The following PRTG variants were observed in gnomAD, a reference collection of about 807,000 sequenced individuals.
PRTG encodes immunoglobulin superfamily, DCC subclass, member 5.
Under a neutral mutation model 122.5 loss-of-function variants are expected in PRTG, and 67 were observed. That is an observed-to-expected ratio of 0.55 (90% confidence interval 0.45 to 0.67). PRTG has a LOEUF of 0.67. PRTG is among the 30% of genes least tolerant of loss of function. The probability of loss-of-function intolerance (pLI) is 0.00; values close to 1 mark genes in which losing one functional copy is unlikely to be tolerated. For missense variants in PRTG, 1,435 were observed against 1,415.4 expected (o/e 1.01, Z -0.22); for synonymous variants, 554 against 501.1 (o/e 1.11, Z -1.41).
In PRTG at chr15:55,616,832, AG is replaced by A. The variant is rs2141701867; in HGVS notation, c.*3179del. The A allele has an allele frequency of 6.6e-6, 1 of 152,268 alleles. No homozygotes were observed. Among genetic ancestry groups the A allele is most frequent in the African/African-American group, 2.4e-5 (1 of 41,570 alleles). The allele number at this position is 152,268 out of a possible 1,614,324, so 9.4% of individuals were successfully genotyped here. On this transcript the variant is annotated 3_prime_UTR_variant, in exon 20 of 20. Transcript: ENST00000389286. ...GCCCTTTGATATTTTTTGCTACTAA[AG>A]CTAGATTCTCTATCGGCCTCTAAAT... is the stretch of plus-strand genomic sequence containing the variant.
At chr15:55,711,094 T>C (rs1178702468) in intron 2 of PRTG, among the ~76,000 whole-genome samples, 1 of 150,544 alleles carries the variant, frequency 6.6e-6, no homozygotes, top group Non-Finnish European at 1.5e-5. Flanking sequence ...TTTTTTTTTT[T>C]TTTTTTTAGC....
chr15:55,686,285 C>A (rs1476259006), intron 2 of PRTG, among the ~76,000 whole-genome samples: 2 of 151,998 alleles, frequency 1.3e-5, no homozygotes, highest in Non-Finnish European at 2.9e-5. Flanking sequence ...GAGGGGTGAC[C>A]ATTAGTTCTA....
At chr15:55,660,845 T>C (rs1372734269) in intron 11 of PRTG, among the ~76,000 whole-genome samples, 2 of 152,156 alleles carry the variant, frequency 1.3e-5, no homozygotes, top group African/African-American at 2.4e-5. Context: ...AAGAGATACA[T>C]AGTAGAAAGC....
chr15:55,712,828 CA>C (rs1157055002), intron 2 of PRTG, among the ~76,000 whole-genome samples: 2 of 151,674 alleles, frequency 1.3e-5, no homozygotes, highest in African/African-American at 2.4e-5. Flanking sequence ...CTCAAGCAAA[CA>C]AAAAAAATTA....
intron 2 of PRTG, among the ~76,000 whole-genome samples, chr15:55,713,290 T>C (rs2030463549): frequency 6.6e-6 from 1 of 152,216 alleles, no homozygotes; most frequent in South Asian, 2.1e-4. Flanking sequence ...ATCCACACTA[T>C]ATATAAATCT....
intron 2 of PRTG, among the ~76,000 whole-genome samples, chr15:55,704,121 A>C (rs1421769651): frequency 6.6e-6 from 1 of 152,224 alleles, no homozygotes; most frequent in Non-Finnish European, 1.5e-5. Flanking sequence ...TACCAAGACC[A>C]CTTTCCCTTC....
intron 2 of PRTG, among the ~76,000 whole-genome samples, chr15:55,731,011 T>G (rs2031213016): frequency 6.6e-6 from 1 of 152,222 alleles, no homozygotes; most frequent in Non-Finnish European, 1.5e-5. Flanking sequence ...CTCTATTGAC[T>G]ACAGAGTAAG....
intron 2 of PRTG, among the ~76,000 whole-genome samples, chr15:55,689,647 G>A (rs77127353): frequency 1.3e-5 from 2 of 149,966 alleles, no homozygotes; most frequent in Non-Finnish European, 3.0e-5. Context: ...AAAAAAAAAG[G>A]CCAGGCGCAG....
intron 2 of PRTG, among the ~76,000 whole-genome samples, chr15:55,700,133 A>T (rs529816724): frequency 6.6e-6 from 1 of 152,358 alleles, no homozygotes; most frequent in South Asian, 2.1e-4. Flanking sequence ...TATGTACAGA[A>T]GAGTACAGAA....
intron 2 of PRTG, among the ~76,000 whole-genome samples, chr15:55,695,126 GA>G (rs548676310): frequency 3.3e-5 from 5 of 149,910 alleles, no homozygotes; most frequent in East Asian, 1.9e-4. Context: ...TTTATAGTCA[GA>G]AAAAAAAACA....
chr15:55,624,488 T>C lies in PRTG; in HGVS notation c.2947A>G (p.Thr983Ala). 1 of 1,611,356 alleles carries C rather than the reference T, an allele frequency of 6.2e-7. No homozygotes were observed. The highest frequency in any genetic ancestry group is 1.1e-5 in the South Asian group (1 of 90,168). The change falls in exon 18 of 20, where the codon ACG becomes GCG. Residue 983 changes from threonine (T) to alanine (A), a missense_variant. By Grantham distance (58) the Thr-to-Ala change is moderately conservative. Transcript: ENST00000389286. ...AACTGTTGAGTTCCATTCTGTGCCG[T>C]CTTGGAAGCAGATGATTTCCTAAAA... ...SKARKSSASK[T>A]AQNGTQQLPR...
intron 11 of PRTG, among the ~76,000 whole-genome samples, chr15:55,657,570 A>C (rs373035418): frequency 7.9e-5 from 12 of 152,190 alleles, no homozygotes; most frequent in African/African-American, 2.9e-4. Context: ...TTCTTCAACT[A>C]TTTCAACATA....
At chr15:55,677,719 G>T in intron 8 of PRTG, 78 bp downstream of exon 8, 1 of 1,327,998 alleles carries the variant, frequency 7.5e-7, no homozygotes, top group South Asian at 1.3e-5. Context: ...TATGGATTAT[G>T]TAAGGCATTA....
At chr15:55,717,617 T>A (rs1461686599) in intron 2 of PRTG, among the ~76,000 whole-genome samples, 1 of 152,262 alleles carries the variant, frequency 6.6e-6, no homozygotes, top group Non-Finnish European at 1.5e-5. Flanking sequence ...TGAACTATTA[T>A]GTAGTGGGAC....
chr15:55,738,060 C>T (rs2031488629), intron 2 of PRTG: 2 of 63,674 alleles, frequency 3.1e-5, no homozygotes, highest in South Asian at 9.8e-4. Flanking sequence ...ACCACACACA[C>T]TCTTCCTGTA....
At chr15:55,723,933 A>C (rs1211785363) in intron 2 of PRTG, among the ~76,000 whole-genome samples, 1 of 151,882 alleles carries the variant, frequency 6.6e-6, no homozygotes, top group Non-Finnish European at 1.5e-5. Flanking sequence ...TTGTATTTTT[A>C]GTAGAGGTGG....
At chr15:55,731,366 CTT>C (rs10658460) in intron 2 of PRTG, among the ~76,000 whole-genome samples, 11 of 103,770 alleles carry the variant, frequency 1.1e-4, no homozygotes, top group Middle Eastern at 5.9e-3. Flanking sequence ...CCTTATCATT[CTT>C]TTTTTTTTTT....
chr15:55,687,758 T>C (rs563149935), intron 2 of PRTG, among the ~76,000 whole-genome samples: 1 of 152,334 alleles, frequency 6.6e-6, no homozygotes, highest in East Asian at 1.9e-4. Context: ...ATTTAAAATA[T>C]CTAACTTTTT....
chr15:55,684,946 T>C (rs2059562090), intron 2 of PRTG, among the ~76,000 whole-genome samples: 2 of 152,108 alleles, frequency 1.3e-5, no homozygotes, highest in South Asian at 2.1e-4. Flanking sequence ...CTAGAGATAA[T>C]TATTCTTTGC....
Sources: gnomAD v4.1 joint callset for allele counts (sites outside exome capture counted in the v4.1 genomes callset) on GRCh38, gnomAD v4.1.1 for gene constraint, MANE v1.5 for transcripts, NCBI Gene and HGNC (gene_info 2026-07-23, HGNC 2026-07-21) for gene names.